Variants in RHOT1 observed in about 807,000 individuals in gnomAD.
RHOT1 encodes the protein ras homolog family member T1.
A neutral mutation model predicts 95.3 loss-of-function variants in RHOT1; 27 were observed. The ratio of observed to expected loss-of-function variants is 0.28; its 90% CI spans 0.21 to 0.39. The LOEUF (loss-of-function observed/expected upper bound fraction) is 0.39, where lower values mean the gene tolerates loss of function less well. Ranked by LOEUF, RHOT1 falls within the 10% of genes least tolerant of loss-of-function variation. The pLI is 1.00. For synonymous variants in RHOT1, 227 were observed against 263.5 expected (o/e 0.86, Z 1.34); for missense variants, 578 against 786.7 (o/e 0.73, Z 3.17).
chr17:32,154,266 C>A (rs1028351670), intron 1 of RHOT1, among the ~76,000 whole-genome samples: 2 of 147,914 alleles, frequency 1.4e-5, no homozygotes, highest in African/African-American at 5.2e-5. Context: ...CATAGGGAGA[C>A]CCCGTCTCTA....
chr17:32,188,812 A>T (rs1206418522), intron 8 of RHOT1, among the ~76,000 whole-genome samples: 1 of 152,218 alleles, frequency 6.6e-6, no homozygotes, highest in African/African-American at 2.4e-5. Context: ...AATATTTGCT[A>T]TGTGGTCCTT....
Position 32,177,429 on chromosome 17 carries a change from T to C in RHOT1, c.329+1216T>C, listed in dbSNP as rs190770158. On this transcript the variant is annotated intron_variant, in intron 6 of 19. Transcript: ENST00000545287. ...TCCTAATATCTGCTTTTCTTGCTTTTGCTTGCGCCATTTCTAGGAGGGAAT... is the reference window on the plus strand; with the variant it reads ...TCCTAATATCTGCTTTTCTTGCTTTCGCTTGCGCCATTTCTAGGAGGGAAT... 2.6e-5 allele frequency among the ~76,000 whole-genome samples: 4 copies of C among 152,290 alleles called. No homozygotes were observed. In the East Asian group the frequency reaches 7.7e-4, roughly 29 times the overall value.
chr17:32,190,864 C>A (rs866689192), intron 8 of RHOT1, among the ~76,000 whole-genome samples: 6 of 152,120 alleles, frequency 3.9e-5, no homozygotes, highest in African/African-American at 1.2e-4. Context: ...GATGGAATAT[C>A]GGCTCACTGC....
chr17:32,145,171 G>A lies in RHOT1; in HGVS notation c.37+2442G>A, dbSNP rs531776347. Reference sequence around the variant, plus strand: ...AATAATTAGTCAGCTGTGGCAGCACGCACCTGTAATCCCAGCTACTCAGGA... The same window carrying A: ...AATAATTAGTCAGCTGTGGCAGCACACACCTGTAATCCCAGCTACTCAGGA... On this transcript the variant is annotated intron_variant, in intron 1 of 19. Coordinates refer to ENST00000545287, the MANE Select transcript of RHOT1 (RefSeq NM_001033566.3). Among the ~76,000 whole-genome samples, 5 of 151,768 alleles carry A rather than the reference G, an allele frequency of 3.3e-5. No homozygotes were observed. In the South Asian group the frequency reaches 8.3e-4, roughly 25 times the overall value.
At chr17:32,205,027 C>T (rs1598436620) in intron 16 of RHOT1, among the ~76,000 whole-genome samples, 1 of 149,400 alleles carries the variant, frequency 6.7e-6, no homozygotes, top group South Asian at 2.1e-4. Flanking sequence ...CTTTTACTTT[C>T]TTCTACTTCT....
At chr17:32,192,012 A>C (rs184210741) in intron 8 of RHOT1, among the ~76,000 whole-genome samples, 189 bp from the exon 9 acceptor site, 19 of 152,308 alleles carry the variant, frequency 1.2e-4, no homozygotes, top group African/African-American at 4.6e-4. Context: ...GACCATTCCA[A>C]ATATCAGTCC....
At chr17:32,207,745 C>T (rs868617262) in intron 17 of RHOT1, among the ~76,000 whole-genome samples, 2 of 152,076 alleles carry the variant, frequency 1.3e-5, no homozygotes, top group Non-Finnish European at 1.5e-5. Flanking sequence ...TGCATGTGCT[C>T]AAGGACTAGA....
chr17:32,193,900 T>G, intron 10 of RHOT1, 87 bp from the exon 11 acceptor site: 1 of 1,494,854 alleles, frequency 6.7e-7, no homozygotes, highest in South Asian at 1.3e-5. Context: ...CATCCGTATG[T>G]TCATGAATCT....
intron 8 of RHOT1, among the ~76,000 whole-genome samples, chr17:32,185,704 G>T (rs895563852): frequency 6.7e-6 from 1 of 149,350 alleles, no homozygotes; most frequent in Admixed American, 6.6e-5. Context: ...CGCCATGCCC[G>T]GCCTCTTTTT....
In RHOT1 at chr17:32,211,091, C is replaced by T. The variant is rs1317713312; in HGVS notation, c.1740-25C>T. The T allele has an allele frequency of 2.5e-6, 4 of 1,585,754 alleles. No individual in the cohort carries two copies. The African/African-American group carries it at 4.0e-5, about 16-fold the overall frequency. On this transcript the variant is annotated intron_variant, in intron 18 of 19. Coordinates refer to ENST00000545287, the MANE Select transcript of RHOT1 (RefSeq NM_001033566.3). ...CATATTTGTAAGTAAGAACTCAACT[C>T]CTGTCCTTCTGTGTGTTTTCGCAGC...
At chr17:32,157,817 C>T (rs1409962132) in intron 1 of RHOT1, among the ~76,000 whole-genome samples, 2 of 151,612 alleles carry the variant, frequency 1.3e-5, no homozygotes, top group South Asian at 2.1e-4. Flanking sequence ...GCTCCCACCC[C>T]GCCGCCCAGA....
chr17:32,212,383 G>A (rs2038191273), intron 19 of RHOT1, among the ~76,000 whole-genome samples: 1 of 152,158 alleles, frequency 6.6e-6, no homozygotes, highest in African/African-American at 2.4e-5. Flanking sequence ...TGCTTTGAAG[G>A]GATCACCGCA....
chr17:32,214,739 CTAAG>C (rs1567729614), intron 19 of RHOT1, among the ~76,000 whole-genome samples: 1 of 152,002 alleles, frequency 6.6e-6, no homozygotes, highest in Non-Finnish European at 1.5e-5. Flanking sequence ...GATTGATTGA[CTAAG>C]TAAAAGTCAT....
intron 1 of RHOT1, among the ~76,000 whole-genome samples, chr17:32,169,512 C>T (rs1229529192): frequency 3.3e-5 from 5 of 152,170 alleles, no homozygotes; most frequent in Non-Finnish European, 1.5e-5. Flanking sequence ...AAATATGATG[C>T]TCTATGGAAG....
chr17:32,198,667 C>G (rs1349696757), intron 11 of RHOT1, among the ~76,000 whole-genome samples: 2 of 152,152 alleles, frequency 1.3e-5, no homozygotes, highest in African/African-American at 4.8e-5. Flanking sequence ...TGTGATCGTG[C>G]CACTGCACTG....
chr17:32,200,914 C>T (rs752865715), intron 13 of RHOT1, 42 bp from the exon 14 acceptor site: 12 of 1,409,566 alleles, frequency 8.5e-6, no homozygotes, highest in East Asian at 2.3e-5. Flanking sequence ...CATAAATATT[C>T]GTTTAGGAAC....
At chr17:32,151,466 G>A in intron 1 of RHOT1, 1 of 622,094 alleles carries the variant, frequency 1.6e-6, no homozygotes, top group Non-Finnish European at 2.9e-6. Context: ...GTTGATGAAA[G>A]AGTCTAGCTA....
chr17:32,176,334 G>C, intron 6 of RHOT1, 121 bp downstream of exon 6: 1 of 740,188 alleles, frequency 1.4e-6, no homozygotes, highest in Non-Finnish European at 2.2e-6. Flanking sequence ...GTAACGTTTT[G>C]CCACGTTTGC....
chr17:32,170,252 T>TA (rs2034468130), intron 1 of RHOT1, among the ~76,000 whole-genome samples: 1 of 151,906 alleles, frequency 6.6e-6, no homozygotes, highest in South Asian at 2.1e-4. Context: ...CTGTCTCTAC[T>TA]AAAAATACAA....
Sources: gnomAD v4.1 joint callset for allele counts (sites outside exome capture counted in the v4.1 genomes callset) on GRCh38, gnomAD v4.1.1 for gene constraint, MANE v1.5 for transcripts, NCBI Gene and HGNC (gene_info 2026-07-23, HGNC 2026-07-21) for gene names.